UBE2U: variants seen among roughly 807,000 people sequenced by gnomAD.
The protein encoded by UBE2U is ubiquitin conjugating enzyme E2 U.
A neutral mutation model predicts 41.2 loss-of-function variants in UBE2U; 39 were observed. The observed-to-expected ratio is 0.95, with a 90% CI of 0.73 to 1.24. The LOEUF (loss-of-function observed/expected upper bound fraction) is 1.24, where lower values mean the gene tolerates loss of function less well. UBE2U is among the 50% of genes most tolerant of loss of function. The probability of loss-of-function intolerance (pLI) is 0.00; values close to 1 mark genes in which losing one functional copy is unlikely to be tolerated. For missense variants in UBE2U, 336 were observed against 363.1 expected, an observed-to-expected ratio of 0.93 and a Z score of 0.61; for synonymous variants, 107 against 117.8, an observed-to-expected ratio of 0.91 and a Z score of 0.60.
chr1:64,214,989 T>G lies in UBE2U; in HGVS notation c.457+57T>G, dbSNP rs193115822. 94 of 1,428,180 alleles carry G rather than the reference T, an allele frequency of 6.6e-5. No individual in the cohort carries two copies. The East Asian group carries it at 2.1e-3, about 33-fold the overall frequency. The allele number at this position is 1,428,180 out of a possible 1,614,324, so 88.5% of individuals were successfully genotyped here. On this transcript the variant is annotated intron_variant, in intron 5 of 9. Transcript: ENST00000371077. ...GGCTCACGCCTGTAATCCCAACACT[T>G]TGGGAGGCTCAGGTGGGTGGATCAT...
intron 8 of UBE2U, chr1:64,244,383 A>G: frequency 1.7e-6 from 1 of 604,238 alleles, no homozygotes; most frequent in Non-Finnish European, 2.1e-6. Context: ...ATAAAAATTA[A>G]TATAGCATCA....
intron 7 of UBE2U, among the ~76,000 whole-genome samples, chr1:64,239,175 G>GAA (rs1322153252): frequency 2.2e-4 from 21 of 95,428 alleles, no homozygotes; most frequent in African/African-American, 9.4e-4. Flanking sequence ...AGAAGAAGAA[G>GAA]AAGAAGAAGA....
chr1:64,251,860 T>C (rs983987840), intron 8 of UBE2U, among the ~76,000 whole-genome samples: 1 of 152,104 alleles, frequency 6.6e-6, no homozygotes, highest in Non-Finnish European at 1.5e-5. Flanking sequence ...TACATTCCCC[T>C]AGGAAGGGGG....
Position 64,239,139 on chromosome 1 carries a change from A to G in UBE2U, c.596-2513A>G, listed in dbSNP as rs1452766803. ...GAAGAAGAAGAAGAAGAAGAAGAAG[A>G]AGAAGAAGAAGAAGAAGAAAGAAGA... On this transcript the variant is annotated intron_variant, in intron 7 of 9. Coordinates refer to ENST00000371077, the MANE Select transcript of UBE2U (RefSeq NM_001366232.2). 5.5e-3 allele frequency among the ~76,000 whole-genome samples: 148 copies of G among 26,760 alleles called. 3 individuals are homozygous for G. Among genetic ancestry groups the G allele is most frequent in the African/African-American group, 0.028 (143 of 5,168 alleles). The allele number at this position is 26,760 out of a possible 152,430, so 17.6% of individuals were successfully genotyped here.
chr1:64,212,486 A>G (rs945459360), intron 4 of UBE2U, among the ~76,000 whole-genome samples: 1 of 152,168 alleles, frequency 6.6e-6, no homozygotes, highest in African/African-American at 2.4e-5. Context: ...CAATTTCTTC[A>G]TCAGTAAAAT....
In UBE2U at chr1:64,253,136, G is replaced by A. The variant is rs546752693; in HGVS notation, c.678-7467G>A. 5.3e-5 allele frequency among the ~76,000 whole-genome samples: 8 copies of A among 152,262 alleles called. No homozygotes were observed. The South Asian group carries it at 1.0e-3, about 20-fold the overall frequency. The stretch of plus-strand genomic sequence containing the variant: ...AACGCAATCACAAGTATCAATAGCA[G>A]AATAGATCAAGTGGAGGGTAGAATT... On this transcript the variant is annotated intron_variant, in intron 8 of 9. Transcript: ENST00000371077.
intron 7 of UBE2U, among the ~76,000 whole-genome samples, chr1:64,239,136 A>AGG (rs1557730419): frequency 0.038 from 1,075 of 28,314 alleles, 79 homozygotes; most frequent in African/African-American, 0.14. Flanking sequence ...GAAGAAGAAG[A>AGG]AGAAGAAGAA....
chr1:64,239,157 A>AAGAAGAAGGAGAAGAAGAAGAAG, intron 7 of UBE2U, among the ~76,000 whole-genome samples: 1 of 37,064 alleles, frequency 2.7e-5, no homozygotes, highest in African/African-American at 8.5e-5. Flanking sequence ...GAAGAAGAAG[A>AAGAAGAAGGAGAAGAAGAAGAAG]AAGAAGAAGA....
chr1:64,225,922 C>T (rs926633645), intron 6 of UBE2U, among the ~76,000 whole-genome samples: 1 of 152,190 alleles, frequency 6.6e-6, no homozygotes, highest in Non-Finnish European at 1.5e-5. Flanking sequence ...TGTTTTATCA[C>T]TTTACATGCC....
Position 64,210,798 on chromosome 1 carries a change from A to C in UBE2U, c.298A>C (p.Asn100His). 6.2e-7 allele frequency: 1 copy of C among 1,608,018 alleles called. No individual in the cohort carries two copies. Among genetic ancestry groups the C allele is most frequent in the South Asian group, 1.1e-5 (1 of 90,212 alleles). ...IDFLDNPEKW[N>H]TNYTLSSILL... ...CTTTTTGGACAACCCTGAGAAGTGG[A>C]ATACAAACTATACATTGAGCAGCAT... The change falls in exon 4 of 10, where the codon AAT (asparagine) becomes CAT (histidine). Residue 100 changes from asparagine to histidine, a missense_variant. Physicochemically the swap from Asn to His is moderately conservative, Grantham distance 68. Coordinates refer to ENST00000371077, the MANE Select transcript of UBE2U (RefSeq NM_001366232.2).
Position 64,206,816 on chromosome 1 carries a change from T to C in UBE2U, c.201T>C (p.Pro67=), listed in dbSNP as rs1651326591. The C allele has an allele frequency of 1.2e-6, 2 of 1,607,068 alleles. No individual in the cohort carries two copies. The highest frequency in any genetic ancestry group is 8.5e-7 in the Non-Finnish European group (1 of 1,175,388). The change falls in exon 3 of 10, where the codon CCT becomes CCC. Residue 67 remains proline, a synonymous_variant. Transcript: ENST00000371077. The part of the protein sequence containing the change: ...IHFTSEYNYA[P]PVVKFITIPF... ...TTACATCGGAGTACAACTATGCTCCTCCAGTTGTGAAATTTATAACAATTC... is the reference window on the plus strand; with the variant it reads ...TTACATCGGAGTACAACTATGCTCCCCCAGTTGTGAAATTTATAACAATTC...
intron 7 of UBE2U, among the ~76,000 whole-genome samples, chr1:64,237,547 T>G (rs1644692311): frequency 6.6e-6 from 1 of 152,214 alleles, no homozygotes; most frequent in African/African-American, 2.4e-5. Context: ...CTTTCATTGT[T>G]TCTCTCCGAT....
intron 8 of UBE2U, among the ~76,000 whole-genome samples, chr1:64,250,096 C>CA (rs1267361303): frequency 6.6e-6 from 1 of 152,108 alleles, no homozygotes; most frequent in Non-Finnish European, 1.5e-5. Flanking sequence ...AGAAGCCTTG[C>CA]AAGTCAAAAT....
intron 9 of UBE2U, among the ~76,000 whole-genome samples, chr1:64,265,049 G>A (rs865904228): frequency 3.9e-4 from 60 of 152,092 alleles, no homozygotes; most frequent in African/African-American, 1.3e-3. Flanking sequence ...TGGTTTTGCC[G>A]TCCACTCTTA....
Position 64,239,234 on chromosome 1 carries a change from G to A in UBE2U, c.596-2418G>A, listed in dbSNP as rs537516906. ...AAGACTGGTGGAGAGCATCTAGCTG[G>A]TTAAATAGTTCGACTGTAAGCTAAG... On this transcript the variant is annotated intron_variant, in intron 7 of 9. Coordinates refer to ENST00000371077, the MANE Select transcript of UBE2U (RefSeq NM_001366232.2). Among the ~76,000 whole-genome samples, 456 of 151,870 alleles carry A rather than the reference G, an allele frequency of 3.0e-3. 1 individual carries two copies. The highest frequency in any genetic ancestry group is 0.01 in the Middle Eastern group (3 of 294).
chr1:64,226,081 T>G (rs2100354750), intron 6 of UBE2U, among the ~76,000 whole-genome samples: 1 of 152,328 alleles, frequency 6.6e-6, no homozygotes, highest in Non-Finnish European at 1.5e-5. Flanking sequence ...CGTAGCAGCT[T>G]TATTTATAAT....
chr1:64,226,300 A>T (rs1424152692), intron 6 of UBE2U, among the ~76,000 whole-genome samples: 1 of 152,216 alleles, frequency 6.6e-6, no homozygotes, highest in Non-Finnish European at 1.5e-5. Context: ...ATTTATATGA[A>T]GTTCTAGGAC....
intron 8 of UBE2U, among the ~76,000 whole-genome samples, chr1:64,245,064 A>C (rs776013872): frequency 1.3e-5 from 2 of 152,220 alleles, no homozygotes; most frequent in Admixed American, 6.5e-5. Context: ...AATGGCTTTC[A>C]TGAATATTTT....
At chr1:64,242,101 T>G (rs1644845169) in intron 8 of UBE2U, among the ~76,000 whole-genome samples, 1 of 152,156 alleles carries the variant, frequency 6.6e-6, no homozygotes, top group Non-Finnish European at 1.5e-5. Flanking sequence ...TATCATCAAT[T>G]AGCTTTTCAT....
Sources: allele counts gnomAD v4.1 joint callset (sites outside exome capture counted in the v4.1 genomes callset), GRCh38; gene constraint gnomAD v4.1.1; transcripts MANE v1.5; gene names NCBI Gene and HGNC (gene_info 2026-07-23, HGNC 2026-07-21).